The following SDK1 variants were observed in gnomAD, a reference collection of about 807,000 sequenced individuals.
SDK1 encodes protein sidekick-1.
Under a neutral mutation model 245.5 loss-of-function variants are expected in SDK1, and 157 were observed. The ratio of observed to expected loss-of-function variants is 0.64; its 90% CI spans 0.56 to 0.73. The LOEUF (loss-of-function observed/expected upper bound fraction) is 0.73, where lower values mean the gene tolerates loss of function less well. Ranked by LOEUF, SDK1 falls within the 30% of genes least tolerant of loss-of-function variation. The probability of loss-of-function intolerance (pLI) is 0.00; values close to 1 mark genes in which losing one functional copy is unlikely to be tolerated. For synonymous variants in SDK1, 1,647 were observed against 1,278.5 expected (o/e 1.29, Z -6.15); for missense variants, 3,583 against 3,002.3 (o/e 1.19, Z -4.52).
intron 25 of SDK1, among the ~76,000 whole-genome samples, chr7:4,125,209 GGATGGGTA>G (rs1240909498): frequency 6.6e-6 from 1 of 151,386 alleles, no homozygotes; most frequent in African/African-American, 2.4e-5. Flanking sequence ...ATGGATGGAT[GGATGGGTA>G]GATGGATAGA....
chr7:4,087,473 A>ATG (rs1781497366), intron 22 of SDK1, among the ~76,000 whole-genome samples: 1 of 115,872 alleles, frequency 8.6e-6, no homozygotes, highest in African/African-American at 4.6e-5. Flanking sequence ...ACAGACACAC[A>ATG]CGCGCGCACA....
intron 1 of SDK1, among the ~76,000 whole-genome samples, chr7:3,345,792 G>A (rs1780476247): frequency 6.6e-6 from 1 of 152,060 alleles, no homozygotes; most frequent in Admixed American, 6.6e-5. Context: ...TGAAATTTGA[G>A]ATTTTTCATA....
At chr7:3,966,542 C>T (rs1782098262) in intron 9 of SDK1, among the ~76,000 whole-genome samples, 1 of 152,116 alleles carries the variant, frequency 6.6e-6, no homozygotes, top group African/African-American at 2.4e-5. Context: ...AAACCCAGCA[C>T]TTGGGGATCA....
intron 1 of SDK1, among the ~76,000 whole-genome samples, chr7:3,594,274 G>A (rs1273959071): frequency 6.6e-6 from 1 of 152,174 alleles, no homozygotes; most frequent in Non-Finnish European, 1.5e-5. Flanking sequence ...GTTGCAACAT[G>A]TGTCAACACC....
chr7:3,488,619 A>G (rs1283541377), intron 1 of SDK1, among the ~76,000 whole-genome samples: 1 of 152,232 alleles, frequency 6.6e-6, no homozygotes, highest in African/African-American at 2.4e-5. Flanking sequence ...CTCATCAGCT[A>G]GGATGCTTTC....
chr7:3,576,999 C>T (rs1185266674), intron 1 of SDK1, among the ~76,000 whole-genome samples: 1 of 151,962 alleles, frequency 6.6e-6, no homozygotes, highest in Non-Finnish European at 1.5e-5. Flanking sequence ...GGACTTCCAT[C>T]ATTTTTCATC....
At chr7:3,994,828 C>T (rs1784584004) in intron 14 of SDK1, among the ~76,000 whole-genome samples, 1 of 152,110 alleles carries the variant, frequency 6.6e-6, no homozygotes, top group Non-Finnish European at 1.5e-5. Context: ...CACTGTGATC[C>T]ATGGATCTGG....
At chr7:4,077,428 G>T (rs1562775522) in intron 21 of SDK1, among the ~76,000 whole-genome samples, 2 of 152,214 alleles carry the variant, frequency 1.3e-5, no homozygotes, top group African/African-American at 4.8e-5. Context: ...GCCTCAGCCA[G>T]TTCCCAGAAC....
At chr7:3,435,113 T>A (rs553355560) in intron 1 of SDK1, among the ~76,000 whole-genome samples, 2 of 152,250 alleles carry the variant, frequency 1.3e-5, no homozygotes, top group East Asian at 3.9e-4. Context: ...TCAAATAAAT[T>A]AAAGATTTCT....
chr7:3,390,358 C>G (rs573190072), intron 1 of SDK1, among the ~76,000 whole-genome samples: 5 of 152,130 alleles, frequency 3.3e-5, no homozygotes, highest in African/African-American at 1.2e-4. Flanking sequence ...TAAATGTTTA[C>G]CACTGACAGT....
At chr7:3,349,513 C>T (rs1409072666) in intron 1 of SDK1, among the ~76,000 whole-genome samples, 3 of 152,154 alleles carry the variant, frequency 2.0e-5, no homozygotes, top group South Asian at 2.1e-4. Flanking sequence ...CGGGGACCAG[C>T]CCTGTGAGGG....
chr7:3,464,917 T>C (rs1780946601), intron 1 of SDK1, among the ~76,000 whole-genome samples: 5 of 152,142 alleles, frequency 3.3e-5, no homozygotes, highest in Admixed American at 3.3e-4. Context: ...TTTTTTCCCT[T>C]TAGTATTTGA....
intron 2 of SDK1, among the ~76,000 whole-genome samples, chr7:3,637,759 T>C (rs1298963643): frequency 1.3e-5 from 2 of 152,250 alleles, no homozygotes; most frequent in Non-Finnish European, 2.9e-5. Flanking sequence ...GAAATGACTT[T>C]TTAACCTCTG....
intron 28 of SDK1, among the ~76,000 whole-genome samples, chr7:4,134,044 G>A (rs781105994): frequency 1.3e-5 from 2 of 152,200 alleles, no homozygotes; most frequent in Non-Finnish European, 2.9e-5. Flanking sequence ...TGGGAAAGCT[G>A]CGCAATCAGA....
At chr7:3,864,307 A>T (rs1190139978) in intron 5 of SDK1, among the ~76,000 whole-genome samples, 1 of 151,960 alleles carries the variant, frequency 6.6e-6, no homozygotes, top group African/African-American at 2.4e-5. Context: ...CTTTGTTTTT[A>T]TAGTCAATCA....
At chr7:3,777,484 C>T (rs1360763639) in intron 4 of SDK1, among the ~76,000 whole-genome samples, 2 of 152,148 alleles carry the variant, frequency 1.3e-5, no homozygotes, top group Non-Finnish European at 2.9e-5. Flanking sequence ...GGGAATTAGC[C>T]AACCTGTGGC....
chr7:4,114,256 G>A lies in SDK1; in HGVS notation c.3805G>A (p.Gly1269Ser). 6.2e-7 allele frequency: 1 copy of A among 1,606,714 alleles called. No individual in the cohort carries two copies. The highest frequency in any genetic ancestry group is 8.5e-7 in the Non-Finnish European group (1 of 1,177,398). The change falls in exon 25 of 45, where the codon GGC becomes AGC. Residue 1269 changes from glycine (G) to serine (S), a missense_variant. Gly to Ser is a moderately conservative substitution (Grantham distance 56, BLOSUM62 0). Coordinates refer to ENST00000404826, the MANE Select transcript of SDK1 (RefSeq NM_152744.4). ...GAGPWSEVVR[G>S]RTRESVPSAA... Reference sequence around the variant, plus strand: ...TGGGCCGTGGAGCGAGGTGGTGCGGGGCCGGACGCGGGAGTCAGGTGAGGG... The same window carrying A: ...TGGGCCGTGGAGCGAGGTGGTGCGGAGCCGGACGCGGGAGTCAGGTGAGGG...
chr7:3,619,461 A>G (rs796861605), intron 2 of SDK1, among the ~76,000 whole-genome samples: 13 of 152,346 alleles, frequency 8.5e-5, no homozygotes, highest in African/African-American at 3.1e-4. Flanking sequence ...TGTAAAAGTA[A>G]GCCCATTAGT....
intron 1 of SDK1, among the ~76,000 whole-genome samples, chr7:3,474,285 G>A (rs184722544): frequency 2.1e-3 from 319 of 151,394 alleles, no homozygotes; most frequent in African/African-American, 7.4e-3. Context: ...TAGTAGAGAC[G>A]GGGTTTCACC....
Sources: gnomAD v4.1 joint callset for allele counts (sites outside exome capture counted in the v4.1 genomes callset) on GRCh38, gnomAD v4.1.1 for gene constraint, MANE v1.5 for transcripts, NCBI Gene and HGNC (gene_info 2026-07-23, HGNC 2026-07-21) for gene names.